The following PDE4D variants were observed in gnomAD, a reference collection of about 807,000 sequenced individuals.
PDE4D encodes 3',5'-cyclic-AMP phosphodiesterase 4D.
PDE4D carries 24 observed loss-of-function variants against 87.4 expected under a neutral mutation model. The observed-to-expected ratio is 0.27, with a 90% CI of 0.20 to 0.39. The LOEUF is 0.39. PDE4D is among the 10% of genes least tolerant of loss of function. The probability of loss-of-function intolerance (pLI) is 1.00; values close to 1 mark genes in which losing one functional copy is unlikely to be tolerated. For synonymous variants in PDE4D, 384 were observed against 383.2 expected (o/e 1.00, Z -0.02); for missense variants, 714 against 1,041.0 (o/e 0.69, Z 4.32).
chr5:60,458,681 A>C (rs1458463498), intron 1 of PDE4D, among the ~76,000 whole-genome samples: 1 of 152,088 alleles, frequency 6.6e-6, no homozygotes, highest in African/African-American at 2.4e-5. Context: ...TTAAGAATGA[A>C]AGTTTCCAAT....
chr5:60,123,331 G>A (rs548654921), intron 2 of PDE4D, among the ~76,000 whole-genome samples: 10 of 152,170 alleles, frequency 6.6e-5, no homozygotes, highest in South Asian at 6.2e-4. Flanking sequence ...AGACATACCC[G>A]AGACTGGGAA....
chr5:59,144,060 G>T (rs77401665), intron 5 of PDE4D, among the ~76,000 whole-genome samples: 1 of 152,206 alleles, frequency 6.6e-6, no homozygotes, highest in African/African-American at 2.4e-5. Flanking sequence ...AAAGATCACA[G>T]ATCCAAATAA....
intron 2 of PDE4D, among the ~76,000 whole-genome samples, chr5:60,008,332 C>T (rs1046273255): frequency 6.6e-6 from 1 of 151,994 alleles, no homozygotes; most frequent in Admixed American, 6.6e-5. Context: ...CAGGATCACA[C>T]ACCCTCACAG....
At chr5:59,797,694 C>T (rs554968109) in intron 1 of PDE4D, among the ~76,000 whole-genome samples, 24 of 152,156 alleles carry the variant, frequency 1.6e-4, no homozygotes, top group Admixed American at 7.2e-4. Context: ...GCAGGCACCC[C>T]GATCTCACAC....
chr5:60,417,090 T>C (rs1365959708), intron 1 of PDE4D, among the ~76,000 whole-genome samples: 3 of 152,248 alleles, frequency 2.0e-5, no homozygotes, highest in South Asian at 4.1e-4. Context: ...GAAGTAGTCA[T>C]GGTAATAGCC....
rs766080077 is a variant in PDE4D at position 58,974,799 on chromosome 5, G to A, written c.2295C>T (p.Ser765=). 2.5e-6 allele frequency: 4 copies of A among 1,613,572 alleles called. No individual in the cohort carries two copies. Among genetic ancestry groups the A allele is most frequent in the African/African-American group, 2.7e-5 (2 of 74,892 alleles). ...QVEEDTSCSD[S]KTLCTQDSES... is the part of the protein sequence containing the mutation. ...CTGAGTCTTGAGTACAAAGAGTCTT[G>A]GAGTCACTGCAGCTAGTGTCTTCTT... is the stretch of plus-strand genomic sequence containing the variant. Residue 765 remains serine (S), a synonymous_variant, in exon 15 of 15, where the codon TCC becomes TCT. Coordinates refer to ENST00000340635, the MANE Select transcript of PDE4D (RefSeq NM_001104631.2).
At chr5:60,420,737 G>C in intron 1 of PDE4D, among the ~76,000 whole-genome samples, 1 of 152,234 alleles carries the variant, frequency 6.6e-6, no homozygotes, top group East Asian at 1.9e-4. Flanking sequence ...AGCCAGCGCA[G>C]GGTGGGGCAT....
At chr5:59,566,602 G>A (rs1820973493) in intron 1 of PDE4D, among the ~76,000 whole-genome samples, 1 of 151,630 alleles carries the variant, frequency 6.6e-6, no homozygotes, top group African/African-American at 2.4e-5. Context: ...GAGAGAGAGA[G>A]AGAAAGAGAA....
intron 1 of PDE4D, among the ~76,000 whole-genome samples, chr5:60,435,270 A>C (rs1744672899): frequency 6.6e-6 from 1 of 152,126 alleles, no homozygotes; most frequent in South Asian, 2.1e-4. Flanking sequence ...TTGGCACAAA[A>C]AGCATTTTAA....
intron 5 of PDE4D, among the ~76,000 whole-genome samples, chr5:59,137,731 T>C (rs561588900): frequency 8.5e-5 from 13 of 152,302 alleles, no homozygotes; most frequent in African/African-American, 3.1e-4. Context: ...TTTCACCGTA[T>C]TAACCAGGAT....
chr5:59,914,575 T>C (rs915312187), intron 3 of PDE4D, among the ~76,000 whole-genome samples: 2 of 148,670 alleles, frequency 1.3e-5, no homozygotes, highest in African/African-American at 2.5e-5. Flanking sequence ...CATGTGCGTG[T>C]GTGTGTGTGT....
intron 1 of PDE4D, among the ~76,000 whole-genome samples, chr5:59,531,381 C>G (rs986344174): frequency 1.3e-5 from 2 of 152,198 alleles, no homozygotes; most frequent in Non-Finnish European, 2.9e-5. Flanking sequence ...TTTTCCTTAG[C>G]ACTTATCACT....
chr5:60,469,366 C>T (rs1410793445), intron 1 of PDE4D, among the ~76,000 whole-genome samples: 4 of 152,140 alleles, frequency 2.6e-5, no homozygotes, highest in Non-Finnish European at 5.9e-5. Flanking sequence ...CTTCATACCC[C>T]ATAGGCAACA....
intron 1 of PDE4D, among the ~76,000 whole-genome samples, chr5:59,447,365 C>T (rs1433050686): frequency 6.6e-6 from 1 of 151,808 alleles, no homozygotes; most frequent in Non-Finnish European, 1.5e-5. Context: ...AAAGAAAACA[C>T]TCCCTCATTT....
At chr5:60,037,173 G>A (rs971581099) in intron 2 of PDE4D, among the ~76,000 whole-genome samples, 3 of 152,284 alleles carry the variant, frequency 2.0e-5, no homozygotes, top group African/African-American at 7.2e-5. Flanking sequence ...TAGGGACAGG[G>A]AGAGAGTAAG....
intron 1 of PDE4D, among the ~76,000 whole-genome samples, chr5:59,389,701 T>C (rs907897084): frequency 1.3e-5 from 2 of 152,116 alleles, no homozygotes; most frequent in East Asian, 1.9e-4. Flanking sequence ...TCAACCTAAG[T>C]GTCCTTGATG....
intron 1 of PDE4D, among the ~76,000 whole-genome samples, chr5:60,326,056 T>C (rs1343097852): frequency 6.6e-6 from 1 of 151,634 alleles, no homozygotes; most frequent in Non-Finnish European, 1.5e-5. Flanking sequence ...GTTTGTTTAA[T>C]CATTCACCCA....
At chr5:59,606,573 C>G (rs1285844281) in intron 1 of PDE4D, among the ~76,000 whole-genome samples, 1 of 152,078 alleles carries the variant, frequency 6.6e-6, no homozygotes, top group Non-Finnish European at 1.5e-5. Flanking sequence ...CAAAACCTAC[C>G]TTTGCCCACC....
chr5:59,305,599 T>C (rs1299950173), intron 1 of PDE4D, among the ~76,000 whole-genome samples: 1 of 152,150 alleles, frequency 6.6e-6, no homozygotes, highest in Admixed American at 6.5e-5. Context: ...ATAAGTTGTG[T>C]CATTATTGTT....
Sources: gnomAD v4.1 joint callset for allele counts (sites outside exome capture counted in the v4.1 genomes callset) on GRCh38, gnomAD v4.1.1 for gene constraint, MANE v1.5 for transcripts, NCBI Gene and HGNC (gene_info 2026-07-23, HGNC 2026-07-21) for gene names.